The following CSMD2 variants were observed in gnomAD, a reference collection of about 807,000 sequenced individuals.
The protein encoded by CSMD2 is CUB and Sushi multiple domains 2, also known as CUB and sushi domain-containing protein 2.
CSMD2 carries 130 observed loss-of-function variants against 398.5 expected under a neutral mutation model. The ratio of observed to expected loss-of-function variants is 0.33; its 90% CI spans 0.28 to 0.38. CSMD2 has a LOEUF of 0.38. Ranked by LOEUF, CSMD2 falls within the 10% of genes least tolerant of loss-of-function variation. The pLI is 1.00. For missense variants in CSMD2, 3,829 were observed against 4,764.9 expected, an observed-to-expected ratio of 0.80 and a Z score of 5.78; for synonymous variants, 1,828 against 1,908.5, an observed-to-expected ratio of 0.96 and a Z score of 1.10.
chr1:33,542,730 A>G lies in CSMD2; in HGVS notation c.9267T>C (p.Pro3089=), dbSNP rs1339815959. The G allele has an allele frequency of 3.1e-6, 5 of 1,613,500 alleles. No individual in the cohort carries two copies. The highest frequency in any genetic ancestry group is 1.1e-5 in the South Asian group (1 of 90,952). The stretch of plus-strand genomic sequence containing the variant: ...GGCCTGAGCTCTCACCGAGGCACTC[A>G]GGGTCACTGCCTGTCCAGGTACCAT... ...SVNGTWTGSD[P]ECLVINCGDP... is the part of the protein sequence containing the mutation. The change falls in exon 58 of 71, where the codon CCT becomes CCC. Residue 3089 remains proline, a synonymous_variant. Coordinates refer to ENST00000373381, the MANE Select transcript of CSMD2 (RefSeq NM_001281956.2).
intron 25 of CSMD2, among the ~76,000 whole-genome samples, chr1:33,677,182 A>ACCTACAAC (rs2149049419): frequency 6.6e-6 from 1 of 151,450 alleles, no homozygotes; most frequent in East Asian, 2.0e-4. Flanking sequence ...CAACCTACAG[A>ACCTACAAC]ATGGGAGAAA....
chr1:33,533,796 G>A lies in CSMD2; in HGVS notation c.9991C>T (p.Pro3331Ser), dbSNP rs777894161. ...TWSGTPPDCV[P>S]HHCRQPETPT... The stretch of plus-strand genomic sequence containing the variant: ...GGATGTGGGTGAAGTCTGCACTCAC[G>A]GACACAGTCAGGTGGGGTTCCACTC... The change falls in exon 63 of 71, where the codon CCC becomes TCC. Residue 3331 changes from proline (P) to serine (S), a missense_variant and splice_region_variant. Transcript: ENST00000373381. This position sits in a 1 kb window ranked among gnomAD's most constrained non-coding sequence, Gnocchi z 4.2. 31 of 1,605,290 alleles carry A rather than the reference G, an allele frequency of 1.9e-5. No individual in the cohort carries two copies. In the South Asian group the frequency reaches 2.2e-4, roughly 11 times the overall value.
In CSMD2 at chr1:33,709,166, A is replaced by C; in HGVS notation, c.3499T>G (p.Ser1167Ala). 6.2e-7 allele frequency: 1 copy of C among 1,614,106 alleles called. No individual in the cohort carries two copies. The change falls in exon 22 of 71, where the codon TCC becomes GCC. Residue 1167 changes from serine (S) to alanine (A), a missense_variant. Ser to Ala is a moderately conservative substitution (Grantham distance 99). Transcript: ENST00000373381. ...CCCTTCCCTGGCTGGGTCTGGATGG[A>C]GTAGATGCATTCATGATTGTTATTG... ...NYNNNHECIY[S>A]IQTQPGKGIQ...
At chr1:33,720,076 C>G (rs1297712158) in intron 19 of CSMD2, among the ~76,000 whole-genome samples, 1 of 152,204 alleles carries the variant, frequency 6.6e-6, no homozygotes, top group Non-Finnish European at 1.5e-5. Context: ...TCTTAGGGAG[C>G]AATCACAGAC....
At chr1:33,886,326 C>A (rs1209464901) in intron 5 of CSMD2, among the ~76,000 whole-genome samples, 1 of 152,128 alleles carries the variant, frequency 6.6e-6, no homozygotes, top group Non-Finnish European at 1.5e-5. Context: ...GAGGCTGCTT[C>A]AGTGTTCCAG....
intron 1 of CSMD2, among the ~76,000 whole-genome samples, chr1:34,162,871 A>T (rs139238812): frequency 1.3e-5 from 2 of 152,194 alleles, no homozygotes; most frequent in Non-Finnish European, 2.9e-5. Context: ...AAAAAAATTT[A>T]AAAAGAAAGA....
chr1:34,058,515 G>C (rs563022113), intron 2 of CSMD2, among the ~76,000 whole-genome samples: 4 of 152,194 alleles, frequency 2.6e-5, no homozygotes, highest in Non-Finnish European at 4.4e-5. Context: ...AGCGTGCAAG[G>C]CTGTGGCATC....
intron 3 of CSMD2, among the ~76,000 whole-genome samples, chr1:33,964,321 A>G (rs569706438): frequency 8.2e-4 from 125 of 152,344 alleles, no homozygotes; most frequent in African/African-American, 2.8e-3. Flanking sequence ...TTGTGAAGAA[A>G]GAAGTACATA....
intron 1 of CSMD2, among the ~76,000 whole-genome samples, chr1:34,098,341 C>A (rs1324407919): frequency 7.1e-6 from 1 of 141,826 alleles, no homozygotes; most frequent in African/African-American, 2.6e-5. Flanking sequence ...TGCAGCACAC[C>A]AGCATGGCAC....
chr1:33,780,836 G>A (rs1018485417), intron 12 of CSMD2, among the ~76,000 whole-genome samples: 5 of 152,240 alleles, frequency 3.3e-5, no homozygotes, highest in African/African-American at 9.6e-5. Context: ...TTAGGAACAT[G>A]TTAGTGACAT....
chr1:33,535,566 G>A (rs1018972633), intron 62 of CSMD2, among the ~76,000 whole-genome samples: 1 of 152,146 alleles, frequency 6.6e-6, no homozygotes, highest in Non-Finnish European at 1.5e-5. Flanking sequence ...TTGGTGACAT[G>A]TGCAAGAGTG....
At chr1:33,733,723 T>G (rs1646793854) in intron 15 of CSMD2, among the ~76,000 whole-genome samples, 1 of 152,228 alleles carries the variant, frequency 6.6e-6, no homozygotes, top group African/African-American at 2.4e-5. Context: ...GCACTCACTC[T>G]GTCCTGACGC....
chr1:33,672,907 T>G (rs934538131), intron 25 of CSMD2, among the ~76,000 whole-genome samples: 10 of 135,004 alleles, frequency 7.4e-5, no homozygotes, highest in Admixed American at 3.8e-4. Context: ...GGGTCCTGAC[T>G]GTTAGAAGGA....
At chr1:34,039,019 C>A (rs1350760550) in intron 2 of CSMD2, among the ~76,000 whole-genome samples, 1 of 150,992 alleles carries the variant, frequency 6.6e-6, no homozygotes, top group Non-Finnish European at 1.5e-5. Context: ...CTAATTAACT[C>A]TTTCTCATCA....
chr1:33,754,495 A>C (rs1648720612), intron 13 of CSMD2, among the ~76,000 whole-genome samples: 1 of 151,952 alleles, frequency 6.6e-6, no homozygotes, highest in African/African-American at 2.4e-5. Flanking sequence ...CCAAATTCAA[A>C]CTCTTTTCTT....
At chr1:33,752,487 A>G (rs1205161368) in intron 13 of CSMD2, among the ~76,000 whole-genome samples, 1 of 152,218 alleles carries the variant, frequency 6.6e-6, no homozygotes, top group African/African-American at 2.4e-5. Context: ...TGTTGGTGCC[A>G]TGCCTGTACA....
chr1:33,864,837 G>A, intron 5 of CSMD2: 1 of 1,178,076 alleles, frequency 8.5e-7, no homozygotes, highest in Non-Finnish European at 1.2e-6. Flanking sequence ...AGCTGTGACT[G>A]ATGCTTTGTG....
rs147123301 is a variant in CSMD2, at chr1:33,840,584, T to C, written c.1033+6300A>G. Reference sequence around the variant, plus strand: ...CACACAGAAGTTTCCCAGTGACAGTTTGATGACTGAGTGAATGAACGACTG... The same window carrying C: ...CACACAGAAGTTTCCCAGTGACAGTCTGATGACTGAGTGAATGAACGACTG... On this transcript the variant is annotated intron_variant, in intron 6 of 70. Coordinates refer to ENST00000373381, the MANE Select transcript of CSMD2 (RefSeq NM_001281956.2). 7.1e-3 allele frequency among the ~76,000 whole-genome samples: 1,074 copies of C among 152,316 alleles called. 10 individuals carry two copies. Among genetic ancestry groups the C allele is most frequent in the African/African-American group, 0.025 (1,029 of 41,572 alleles).
intron 49 of CSMD2, among the ~76,000 whole-genome samples, chr1:33,573,118 A>G (rs541385061): frequency 6.6e-6 from 1 of 152,320 alleles, no homozygotes; most frequent in South Asian, 2.1e-4. Context: ...AGCTCTTTTA[A>G]TTCTAGGATT....
Sources: gnomAD v4.1 joint callset for allele counts (sites outside exome capture counted in the v4.1 genomes callset) on GRCh38, gnomAD v4.1.1 for gene constraint, Gnocchi (gnomAD v3.1) non-coding constraint, MANE v1.5 for transcripts, NCBI Gene and HGNC (gene_info 2026-07-23, HGNC 2026-07-21) for gene names.